Variants in NR6A1 observed in about 807,000 individuals in gnomAD.
NR6A1 encodes the protein nuclear receptor subfamily 6 group A member 1, also known as retinoic acid receptor-related testis-associated receptor.
A neutral mutation model predicts 59.1 loss-of-function variants in NR6A1; 7 were observed. The observed-to-expected ratio is 0.12, with a 90% CI of 0.07 to 0.22. The LOEUF (loss-of-function observed/expected upper bound fraction) is 0.22. Among genes scored for constraint, NR6A1 ranks in the 10% least tolerant of loss-of-function variants. The pLI, the probability that NR6A1 is intolerant of heterozygous loss-of-function variation, is 1.00. For synonymous variants in NR6A1, 243 were observed against 236.1 expected (o/e 1.03, Z -0.27); for missense variants, 468 against 611.6 (o/e 0.77, Z 2.48).
intron 2 of NR6A1, among the ~76,000 whole-genome samples, chr9:124,564,536 ATATACT>A (rs1834176619): frequency 6.6e-6 from 1 of 152,252 alleles, no homozygotes; most frequent in South Asian, 2.1e-4. Context: ...AGAAACTGTA[ATATACT>A]TATTTAATAT....
intron 7 of NR6A1, among the ~76,000 whole-genome samples, chr9:124,534,480 G>T (rs1196974744): frequency 6.6e-6 from 1 of 152,192 alleles, no homozygotes; most frequent in South Asian, 2.1e-4. Context: ...GGTCTGCAGA[G>T]TAAATGAGTA....
At chr9:124,689,713 T>C (rs757161365) in intron 2 of NR6A1, among the ~76,000 whole-genome samples, 1 of 152,218 alleles carries the variant, frequency 6.6e-6, no homozygotes, top group Non-Finnish European at 1.5e-5. Context: ...TGTACATGGT[T>C]TTCCATTGGA....
intron 2 of NR6A1, among the ~76,000 whole-genome samples, chr9:124,608,075 A>T (rs577862028): frequency 6.6e-5 from 10 of 152,294 alleles, no homozygotes; most frequent in South Asian, 6.2e-4. Context: ...AATAAATAAA[A>T]AAAATAATTT....
chr9:124,608,268 C>T (rs1260095298), intron 2 of NR6A1, among the ~76,000 whole-genome samples: 1 of 152,066 alleles, frequency 6.6e-6, no homozygotes, highest in Non-Finnish European at 1.5e-5. Flanking sequence ...CCCAGCATAT[C>T]TTAGCTATTT....
intron 2 of NR6A1, among the ~76,000 whole-genome samples, chr9:124,648,123 A>G (rs1263255597): frequency 6.6e-6 from 1 of 152,194 alleles, no homozygotes; most frequent in Non-Finnish European, 1.5e-5. Context: ...AGTGGGATTC[A>G]TCCCAGGGAT....
chr9:124,770,341 T>G (rs1588870170), intron 1 of NR6A1: 1 of 125,986 alleles, frequency 7.9e-6, no homozygotes, highest in Non-Finnish European at 1.6e-5. Flanking sequence ...CGCGAAGGGG[T>G]CCGAAAAAGG....
At chr9:124,620,809 TAAA>T (rs796981815) in intron 2 of NR6A1, among the ~76,000 whole-genome samples, 2 of 140,516 alleles carry the variant, frequency 1.4e-5, no homozygotes, top group African/African-American at 2.6e-5. Flanking sequence ...TCTCATTGTT[TAAA>T]AAAAAAAAAA....
At chr9:124,659,214 A>G (rs1837348979) in intron 2 of NR6A1, among the ~76,000 whole-genome samples, 1 of 152,110 alleles carries the variant, frequency 6.6e-6, no homozygotes, top group Admixed American at 6.5e-5. Flanking sequence ...GCACGAGCCA[A>G]AACCAGACAG....
intron 2 of NR6A1, among the ~76,000 whole-genome samples, chr9:124,597,786 GAGA>G (rs1203626370): frequency 6.6e-6 from 1 of 152,220 alleles, no homozygotes; most frequent in Non-Finnish European, 1.5e-5. Context: ...GAAGAGGCGA[GAGA>G]AGATGAACAG....
chr9:124,707,505 A>G (rs1182102471), intron 2 of NR6A1, among the ~76,000 whole-genome samples: 1 of 149,080 alleles, frequency 6.7e-6, no homozygotes, highest in Non-Finnish European at 1.5e-5. Context: ...ACTCAGAGAC[A>G]GTTTCTACTG....
At chr9:124,537,576 A>G (rs1209421086) in intron 6 of NR6A1, among the ~76,000 whole-genome samples, 2 of 152,128 alleles carry the variant, frequency 1.3e-5, no homozygotes, top group African/African-American at 4.8e-5. Flanking sequence ...GGTAGGCCCG[A>G]AGGCTGAACT....
intron 2 of NR6A1, among the ~76,000 whole-genome samples, chr9:124,616,891 T>C (rs1193460135): frequency 6.6e-6 from 1 of 152,154 alleles, no homozygotes; most frequent in Non-Finnish European, 1.5e-5. Context: ...ATGCTGGTGG[T>C]TGATGTACAA....
At chr9:124,756,248 C>G (rs1475840284) in intron 1 of NR6A1, among the ~76,000 whole-genome samples, 1 of 152,198 alleles carries the variant, frequency 6.6e-6, no homozygotes, top group Non-Finnish European at 1.5e-5. Context: ...CTTTTAATTA[C>G]TAACCAGGAA....
chr9:124,597,642 C>A (rs1156825702), intron 2 of NR6A1, among the ~76,000 whole-genome samples: 1 of 152,168 alleles, frequency 6.6e-6, no homozygotes, highest in Non-Finnish European at 1.5e-5. Flanking sequence ...ATCCTTGATG[C>A]ACCCATAAGC....
intron 6 of NR6A1, 28 bp from the exon 7 acceptor site, chr9:124,536,160 C>T: frequency 1.2e-6 from 2 of 1,602,250 alleles, no homozygotes; most frequent in Non-Finnish European, 8.5e-7. Context: ...GGGAAAGTCA[C>T]TTCCATTGGT....
intron 2 of NR6A1, among the ~76,000 whole-genome samples, chr9:124,602,680 G>A (rs1835477875): frequency 6.6e-6 from 1 of 152,178 alleles, no homozygotes; most frequent in African/African-American, 2.4e-5. Context: ...TATAGGAAAA[G>A]ACTTCTATCT....
intron 3 of NR6A1, among the ~76,000 whole-genome samples, chr9:124,551,253 T>G (rs1833769232): frequency 6.6e-6 from 1 of 152,174 alleles, no homozygotes; most frequent in African/African-American, 2.4e-5. Flanking sequence ...TGGCTAGAGC[T>G]TGGAAATATA....
chr9:124,692,466 A>G (rs1354655531), intron 2 of NR6A1: 1 of 531,012 alleles, frequency 1.9e-6, no homozygotes, highest in East Asian at 5.5e-5. Flanking sequence ...GCCAGCCTTC[A>G]GAGGACTCCA....
At chr9:124,626,307 T>C (rs959495645) in intron 2 of NR6A1, among the ~76,000 whole-genome samples, 1 of 152,078 alleles carries the variant, frequency 6.6e-6, no homozygotes, top group Non-Finnish European at 1.5e-5. Context: ...CACCCAGCCA[T>C]ATCCTACAGA....
Sources: gnomAD v4.1 joint callset for allele counts (sites outside exome capture counted in the v4.1 genomes callset) on GRCh38, gnomAD v4.1.1 for gene constraint, MANE v1.5 for transcripts, NCBI Gene and HGNC (gene_info 2026-07-23, HGNC 2026-07-21) for gene names.